The following ANO4 variants were observed in gnomAD, a reference collection of about 807,000 sequenced individuals.
ANO4 encodes anoctamin-4.
ANO4 carries 69 observed loss-of-function variants against 141.9 expected under a neutral mutation model. The observed-to-expected ratio is 0.49, with a 90% CI of 0.40 to 0.59. The LOEUF (loss-of-function observed/expected upper bound fraction) is 0.59. Ranked by LOEUF, ANO4 falls within the 20% of genes least tolerant of loss-of-function variation. The pLI, the probability that ANO4 is intolerant of heterozygous loss-of-function variation, is 0.00. For synonymous variants in ANO4, 350 were observed against 394.3 expected (o/e 0.89, Z 1.33); for missense variants, 894 against 1,162.2 (o/e 0.77, Z 3.36).
At chr12:101,120,356 T>C (rs1358936911) in intron 25 of ANO4, among the ~76,000 whole-genome samples, 164 bp from the exon 26 acceptor site, 1 of 152,150 alleles carries the variant, frequency 6.6e-6, no homozygotes, top group African/African-American at 2.4e-5. Context: ...AGAGATATTA[T>C]TTTATCAGAA....
intron 3 of ANO4, among the ~76,000 whole-genome samples, chr12:100,780,204 A>G (rs1264421819): frequency 6.6e-6 from 1 of 152,058 alleles, no homozygotes; most frequent in African/African-American, 2.4e-5. Context: ...TCTTAGACAG[A>G]TGAGGTCTCA....
chr12:100,837,188 TG>T (rs1436813471), intron 1 of ANO4, among the ~76,000 whole-genome samples: 2 of 152,156 alleles, frequency 1.3e-5, no homozygotes, highest in Non-Finnish European at 2.9e-5. Flanking sequence ...ATGATGACAA[TG>T]ATAGTAGTAG....
At chr12:100,969,107 C>T (rs1232659926) in intron 5 of ANO4, among the ~76,000 whole-genome samples, 1 of 152,194 alleles carries the variant, frequency 6.6e-6, no homozygotes, top group African/African-American at 2.4e-5. Flanking sequence ...CATTGACAGT[C>T]ACTTCCTGCT....
intron 18 of ANO4, among the ~76,000 whole-genome samples, chr12:101,096,214 C>G (rs1285049851): frequency 6.6e-6 from 1 of 152,204 alleles, no homozygotes; most frequent in Non-Finnish European, 1.5e-5. Flanking sequence ...AGAGCCACGA[C>G]TGGGAATGAG....
chr12:100,995,782 G>C (rs1158483953), intron 8 of ANO4, among the ~76,000 whole-genome samples: 3 of 152,120 alleles, frequency 2.0e-5, no homozygotes, highest in Non-Finnish European at 4.4e-5. Context: ...TCTCCTACTA[G>C]ACCGTGAGCT....
intron 9 of ANO4, among the ~76,000 whole-genome samples, chr12:101,029,842 A>G (rs190958806): frequency 6.3e-4 from 93 of 147,428 alleles, no homozygotes; most frequent in Non-Finnish European, 5.8e-4. Flanking sequence ...CCCGGGAGAC[A>G]GAGATTGCAG....
At chr12:100,947,926 A>G (rs966160598) in intron 5 of ANO4, among the ~76,000 whole-genome samples, 4 of 152,078 alleles carry the variant, frequency 2.6e-5, no homozygotes, top group Admixed American at 1.3e-4. Context: ...GCTCATGCCT[A>G]TAATCCCAGC....
At chr12:100,818,316 G>T (rs917946223) in intron 1 of ANO4, among the ~76,000 whole-genome samples, 1 of 151,782 alleles carries the variant, frequency 6.6e-6, no homozygotes, top group African/African-American at 2.4e-5. Flanking sequence ...AAGCTATGAG[G>T]CTTGGTGAGC....
chr12:100,818,513 T>C (rs2035857339), intron 1 of ANO4, among the ~76,000 whole-genome samples: 1 of 151,984 alleles, frequency 6.6e-6, no homozygotes, highest in Non-Finnish European at 1.5e-5. Flanking sequence ...AATAATACTT[T>C]AGCAGTCATC....
At chr12:100,826,702 A>G (rs10161516) in intron 1 of ANO4, among the ~76,000 whole-genome samples, 62,469 of 151,916 alleles carry the variant, frequency 0.41, 13,020 homozygotes, top group Admixed American at 0.49. Flanking sequence ...GTTTCTAAGT[A>G]TGAGATCTCA....
chr12:101,090,019 A>C (rs2049690166), intron 17 of ANO4, among the ~76,000 whole-genome samples: 1 of 152,270 alleles, frequency 6.6e-6, no homozygotes, highest in African/African-American at 2.4e-5. Flanking sequence ...ACTGGCCATC[A>C]GAGAAATGCA....
In ANO4 at chr12:100,921,922, G is replaced by A. The variant is rs575447684; in HGVS notation, c.56-304G>A. 7.2e-5 allele frequency among the ~76,000 whole-genome samples: 11 copies of A among 152,186 alleles called. No homozygotes were observed. In the South Asian group the frequency reaches 1.0e-3, roughly 14 times the overall value. Reference sequence around the variant, plus strand: ...ATAATTTTAAATATCCTTAGGTAGAGGCTATGTTATATTTTTTACGTAGGG... The same window carrying A: ...ATAATTTTAAATATCCTTAGGTAGAAGCTATGTTATATTTTTTACGTAGGG... On this transcript the variant is annotated intron_variant, in intron 2 of 27. Transcript: ENST00000392977.
chr12:100,887,180 G>A (rs538804601), intron 1 of ANO4, among the ~76,000 whole-genome samples: 12 of 152,158 alleles, frequency 7.9e-5, no homozygotes, highest in Non-Finnish European at 1.8e-4. Context: ...TTCGAGAAGC[G>A]CTTTTTTGAC....
intron 7 of ANO4, among the ~76,000 whole-genome samples, chr12:100,980,126 A>G (rs569858874): frequency 1.3e-5 from 2 of 152,320 alleles, no homozygotes; most frequent in East Asian, 1.9e-4. Context: ...TCTAGCGCAC[A>G]CATCACAACT....
intron 2 of ANO4, among the ~76,000 whole-genome samples, chr12:100,915,881 C>T (rs930303670): frequency 6.6e-6 from 1 of 152,134 alleles, no homozygotes; most frequent in African/African-American, 2.4e-5. Context: ...TCTCCTTTTT[C>T]AATCACTTGT....
At chr12:100,851,749 G>A (rs2037883187) in intron 1 of ANO4, among the ~76,000 whole-genome samples, 1 of 152,134 alleles carries the variant, frequency 6.6e-6, no homozygotes, top group Admixed American at 6.5e-5. Context: ...TGAAGTGTGG[G>A]CTGTGAAGGA....
At chr12:101,068,951 G>A (rs765892755) in intron 14 of ANO4, 162 of 788,242 alleles carry the variant, frequency 2.1e-4, no homozygotes, top group Non-Finnish European at 3.5e-4. Context: ...CTCTTACACA[G>A]ATGCACCAAA....
intron 1 of ANO4, among the ~76,000 whole-genome samples, chr12:100,872,548 A>G (rs907058763): frequency 2.0e-5 from 3 of 152,256 alleles, no homozygotes; most frequent in East Asian, 1.9e-4. Context: ...TAAGCAAGTC[A>G]TTAAAAACAA....
At chr12:100,747,578 T>TA in intron 3 of ANO4, among the ~76,000 whole-genome samples, 1 of 152,192 alleles carries the variant, frequency 6.6e-6, no homozygotes, top group Non-Finnish European at 1.5e-5. Context: ...ATTGTGTTTC[T>TA]AAAAAAGAAC....
Sources: allele counts gnomAD v4.1 joint callset (sites outside exome capture counted in the v4.1 genomes callset), GRCh38; gene constraint gnomAD v4.1.1; transcripts MANE v1.5; gene names NCBI Gene and HGNC (gene_info 2026-07-23, HGNC 2026-07-21).